The following MEGF10 variants were observed in gnomAD, a reference collection of about 807,000 sequenced individuals.
MEGF10 encodes the protein multiple epidermal growth factor-like domains protein 10.
In MEGF10, 86 loss-of-function variants were observed where a neutral mutation model predicts 147.5. The ratio of observed to expected loss-of-function variants is 0.58; its 90% CI spans 0.49 to 0.70. The LOEUF is 0.70. Among genes scored for constraint, MEGF10 ranks in the 30% least tolerant of loss-of-function variants. The pLI is 0.00. For missense variants in MEGF10, 1,329 were observed against 1,487.3 expected, an observed-to-expected ratio of 0.89 and a Z score of 1.75; for synonymous variants, 478 against 525.5, an observed-to-expected ratio of 0.91 and a Z score of 1.24.
At chr5:127,359,503 A>T (rs1265124579) in intron 4 of MEGF10, among the ~76,000 whole-genome samples, 2 of 152,018 alleles carry the variant, frequency 1.3e-5, no homozygotes, top group African/African-American at 4.8e-5. Flanking sequence ...TCACATACAA[A>T]TGTTTCCTCA....
chr5:127,251,501 C>A, the MEGF10 span, among the ~76,000 whole-genome samples: 7 of 152,076 alleles, frequency 4.6e-5, no homozygotes, highest in East Asian at 1.4e-3. Context: ...GTCAGAACTA[C>A]GTAAGTGCTT....
the MEGF10 span, among the ~76,000 whole-genome samples, chr5:127,276,369 GA>G: frequency 6.6e-6 from 1 of 152,186 alleles, no homozygotes; most frequent in African/African-American, 2.4e-5. Context: ...TGGGTTTAAA[GA>G]AAAATTAAAG....
intron 13 of MEGF10, among the ~76,000 whole-genome samples, chr5:127,429,187 G>T (rs984074738): frequency 6.6e-6 from 1 of 152,058 alleles, no homozygotes; most frequent in African/African-American, 2.4e-5. Flanking sequence ...GTTTCTATCT[G>T]TTTTTTGCTA....
the MEGF10 span, among the ~76,000 whole-genome samples, chr5:127,272,122 G>A: frequency 6.6e-6 from 1 of 152,116 alleles, no homozygotes; most frequent in Admixed American, 6.5e-5. Context: ...GTGTAAAGAA[G>A]GAGTCCAGTT....
intron 1 of MEGF10, among the ~76,000 whole-genome samples, chr5:127,302,926 A>G (rs1759835226): frequency 6.6e-6 from 1 of 152,100 alleles, no homozygotes. Context: ...TTGTGTAATC[A>G]CAGAAGAGGA....
chr5:127,365,764 T>C (rs1226811879), intron 4 of MEGF10, among the ~76,000 whole-genome samples: 1 of 152,222 alleles, frequency 6.6e-6, no homozygotes, highest in East Asian at 1.9e-4. Flanking sequence ...TTTAATGATT[T>C]TCTTAAAGAT....
At position 127,445,652 on chromosome 5, in the gene MEGF10, C is replaced by T. The variant is rs1218321550; in HGVS notation, c.2687C>T (p.Thr896Ile). 6.2e-7 allele frequency: 1 copy of T among 1,614,072 alleles called. No homozygotes were observed. Among genetic ancestry groups the T allele is most frequent in the Non-Finnish European group, 8.5e-7 (1 of 1,179,984 alleles). Residue 896 changes from threonine (T) to isoleucine (I), a missense_variant, in exon 20 of 25, where the codon ACC becomes ATC. Coordinates refer to ENST00000503335, the MANE Select transcript of MEGF10 (RefSeq NM_001256545.2). ...KESSMPAVTY[T>I]PAMRVVNADY... is the part of the protein sequence containing the mutation. ...TCAAGCATGCCAGCAGTTACCTACA[C>T]CCCTGCTATGAGGGTCGTCAATGCA...
In MEGF10 at chr5:127,419,668, T is replaced by C. The variant is rs140158877; in HGVS notation, c.1427-376T>C. On this transcript the variant is annotated intron_variant, in intron 11 of 24. Transcript: ENST00000503335. ...TCCTGCTTTAAAGATGGTGTTGTGT[T>C]TTCAAGCAGAATCCTTTGTCTCCCT... Among the ~76,000 whole-genome samples, 920 of 152,290 alleles carry C rather than the reference T, an allele frequency of 6.0e-3. 10 individuals are homozygous for C. Among genetic ancestry groups the C allele is most frequent in the African/African-American group, 0.019 (789 of 41,538 alleles).
At chr5:127,449,264 G>T (rs1766068743) in intron 22 of MEGF10, 42 bp downstream of exon 22, 4 of 1,606,706 alleles carry the variant, frequency 2.5e-6, no homozygotes, top group Admixed American at 3.4e-5. Flanking sequence ...ACCTTGACCT[G>T]TCAGTCCCTG....
chr5:127,282,542 G>A, the MEGF10 span, among the ~76,000 whole-genome samples: 2 of 152,212 alleles, frequency 1.3e-5, no homozygotes, highest in East Asian at 1.9e-4. Context: ...AATTCGCAGC[G>A]CTGTGTCCAG....
chr5:127,233,662 A>G, the MEGF10 span, among the ~76,000 whole-genome samples: 1 of 152,196 alleles, frequency 6.6e-6, no homozygotes. Context: ...TTTTCCCATT[A>G]GATTAAGAAT....
chr5:127,391,086 ATGCGCG>A (rs1321167775), intron 5 of MEGF10, among the ~76,000 whole-genome samples: 1 of 73,112 alleles, frequency 1.4e-5, no homozygotes. Flanking sequence ...ACATACACAC[ATGCGCG>A]CGCGCGCGCG....
At chr5:127,264,907 C>A in the MEGF10 span, among the ~76,000 whole-genome samples, 1 of 151,308 alleles carries the variant, frequency 6.6e-6, no homozygotes, top group Non-Finnish European at 1.5e-5. Flanking sequence ...CAGATCATCC[C>A]ATTACCCAGG....
chr5:127,332,937 A>G (rs1049520431), intron 2 of MEGF10, among the ~76,000 whole-genome samples: 4 of 152,180 alleles, frequency 2.6e-5, no homozygotes, highest in African/African-American at 7.2e-5. Context: ...TGAAATAAGA[A>G]TCAACAGATC....
In MEGF10 at chr5:127,460,819, A is replaced by C. The variant is rs1766533413; in HGVS notation, c.*3501A>C. ...ATTATTCAAGCTGAATGTTTAAGAG[A>C]GATTTTGGTCTTAAAGGCTTCACAT... On this transcript the variant is annotated 3_prime_UTR_variant, in exon 25 of 25. Transcript: ENST00000503335. 8.0e-6 allele frequency: 1 copy of C among 124,958 alleles called. No individual in the cohort carries two copies. Among genetic ancestry groups the C allele is most frequent in the Non-Finnish European group, 1.8e-5 (1 of 54,162 alleles). The allele number at this position is 124,958 out of a possible 1,614,324, so 7.7% of individuals were successfully genotyped here. A position where few individuals can be genotyped will look rare whatever the true frequency, so the allele number is the denominator to read the frequency against.
chr5:127,378,492 A>G (rs1180244066), intron 5 of MEGF10, among the ~76,000 whole-genome samples: 3 of 152,164 alleles, frequency 2.0e-5, no homozygotes, highest in African/African-American at 7.2e-5. Context: ...TTGCTCTGTC[A>G]CACAGGTTGA....
intron 5 of MEGF10, among the ~76,000 whole-genome samples, chr5:127,376,383 G>C (rs1021250252): frequency 6.6e-6 from 1 of 152,182 alleles, no homozygotes; most frequent in Non-Finnish European, 1.5e-5. Context: ...AGGCAACAAG[G>C]CACCTGAGAA....
chr5:127,287,423 C>T (rs1368003879), upstream of MEGF10, among the ~76,000 whole-genome samples: 1 of 151,848 alleles, frequency 6.6e-6, no homozygotes, highest in Non-Finnish European at 1.5e-5. Flanking sequence ...CACAAAATTC[C>T]ACTGTATTTC....
At chr5:127,376,705 T>C (rs1168953184) in intron 5 of MEGF10, among the ~76,000 whole-genome samples, 1 of 152,216 alleles carries the variant, frequency 6.6e-6, no homozygotes, top group East Asian at 1.9e-4. Context: ...GCAATCATCA[T>C]TATAAGAGCT....
Sources: allele counts gnomAD v4.1 joint callset (sites outside exome capture counted in the v4.1 genomes callset), GRCh38; gene constraint gnomAD v4.1.1; transcripts MANE v1.5; gene names NCBI Gene and HGNC (gene_info 2026-07-23, HGNC 2026-07-21).